The following ZFPM1 variants were observed in gnomAD, a reference collection of about 807,000 sequenced individuals.
The protein encoded by ZFPM1 is zinc finger protein, FOG family member 1, also known as zinc finger protein ZFPM1.
Under a neutral mutation model 46.3 loss-of-function variants are expected in ZFPM1, and 28 were observed. The ratio of observed to expected loss-of-function variants is 0.60; its 90% CI spans 0.45 to 0.83. The LOEUF (loss-of-function observed/expected upper bound fraction) is 0.83. ZFPM1 is among the 40% of genes least tolerant of loss of function. The pLI, the probability that ZFPM1 is intolerant of heterozygous loss-of-function variation, is 0.00. For missense variants in ZFPM1, 1,878 were observed against 1,432.4 expected (o/e 1.31, Z -5.02); for synonymous variants, 957 against 675.9 (o/e 1.42, Z -6.45).
At chr16:88,505,620 T>C (rs1363207916) in intron 3 of ZFPM1, among the ~76,000 whole-genome samples, 1 of 152,140 alleles carries the variant, frequency 6.6e-6, no homozygotes, top group Non-Finnish European at 1.5e-5. Flanking sequence ...CCATGTGGGC[T>C]GGCCCTGAGG....
intron 3 of ZFPM1, among the ~76,000 whole-genome samples, chr16:88,505,123 G>A (rs990640244): frequency 3.3e-5 from 5 of 152,160 alleles, no homozygotes; most frequent in South Asian, 2.1e-4. Flanking sequence ...TGGGCGGGGC[G>A]AGGCTGGGGG....
chr16:88,494,180 G>A lies in ZFPM1; in HGVS notation c.268+5027G>A, dbSNP rs1909793139. 1.3e-5 allele frequency among the ~76,000 whole-genome samples: 2 copies of A among 152,170 alleles called. 1 individual carries two copies. Among genetic ancestry groups the A allele is most frequent in the Non-Finnish European group, 2.9e-5 (2 of 68,020 alleles). ...GCGGCCTGGGTTATCTCGGATTGGG[G>A]GGTGCGGGCAGGTTCTACGGGGAGA... On this transcript the variant is annotated intron_variant, in intron 3 of 9. Transcript: ENST00000319555.
rs767256393 is a variant in ZFPM1, at chr16:88,534,865, C to G, written c.2907C>G (p.Pro969=). ...TPSKGTPAPL[P]NGNHRYCRLC... ...GCAAGGGCACGCCGGCGCCGCTGCC[C>G]AACGGCAACCACCGGTACTGCCGTC... Residue 969 remains proline (P), a synonymous_variant, in exon 10 of 10, where the codon CCC becomes CCG. Coordinates refer to ENST00000319555, the MANE Select transcript of ZFPM1 (RefSeq NM_153813.3). The G allele has an allele frequency of 3.2e-6, 5 of 1,567,526 alleles. No homozygotes were observed. The highest frequency in any genetic ancestry group is 3.4e-6 in the Non-Finnish European group (4 of 1,162,926).
rs1254940521 is a variant in ZFPM1 at position 88,520,697 on chromosome 16, GTGGA to G, written c.403-6113_403-6110del. Among the ~76,000 whole-genome samples, 3 of 125,742 alleles carry G rather than the reference GTGGA, an allele frequency of 2.4e-5. 1 individual carries two copies. The highest frequency in any genetic ancestry group is 7.8e-5 in the Admixed American group (1 of 12,746). The allele number at this position is 125,742 out of a possible 152,430, so 82.5% of individuals were successfully genotyped here. ...GATGGGTGGATGGATGGATTATTAG[GTGGA>G]TGGGTGGGTGGATGGAGGGATGGGT... On this transcript the variant is annotated intron_variant, in intron 4 of 9. Coordinates refer to ENST00000319555, the MANE Select transcript of ZFPM1 (RefSeq NM_153813.3).
chr16:88,527,976 A>T, intron 5 of ZFPM1, 56 bp from the exon 6 acceptor site: 1 of 1,464,740 alleles, frequency 6.8e-7, no homozygotes, highest in Non-Finnish European at 9.2e-7. Flanking sequence ...CTTGTTTAAG[A>T]CGGGACAGGG....
intron 3 of ZFPM1, among the ~76,000 whole-genome samples, chr16:88,510,159 C>T (rs899648325): frequency 2.0e-5 from 3 of 152,184 alleles, no homozygotes; most frequent in African/African-American, 7.2e-5. Flanking sequence ...TGCTGGCACC[C>T]CCTTCTCCAT....
intron 3 of ZFPM1, 34 bp downstream of exon 3, chr16:88,489,187 C>T: frequency 6.4e-7 from 1 of 1,559,972 alleles, no homozygotes; most frequent in South Asian, 1.2e-5. Context: ...AGCAGCATCG[C>T]CTCCCGGGCA....
chr16:88,502,244 A>ATATC (rs1204732996), intron 3 of ZFPM1, among the ~76,000 whole-genome samples: 1 of 152,058 alleles, frequency 6.6e-6, no homozygotes, highest in Non-Finnish European at 1.5e-5. Context: ...AGGGCTGGTC[A>ATATC]TATCCTGCCC....
intron 7 of ZFPM1, among the ~76,000 whole-genome samples, 167 bp downstream of exon 7, chr16:88,532,402 G>A (rs1053586592): frequency 7.2e-5 from 11 of 152,208 alleles, no homozygotes; most frequent in African/African-American, 2.4e-4. Flanking sequence ...CAGGCAGGCC[G>A]GACTGTGGGC....
chr16:88,508,871 A>G (rs1432173010), intron 3 of ZFPM1, among the ~76,000 whole-genome samples: 1 of 152,080 alleles, frequency 6.6e-6, no homozygotes, highest in Non-Finnish European at 1.5e-5. Flanking sequence ...CCCCTGTTAA[A>G]TGGGCTCCAG....
chr16:88,526,735 A>T, intron 4 of ZFPM1, 79 bp from the exon 5 acceptor site: 1 of 1,458,660 alleles, frequency 6.9e-7, no homozygotes, highest in South Asian at 1.3e-5. Flanking sequence ...CGTGTCACAG[A>T]TGCCCCACAT....
chr16:88,502,065 CATTTATTTATTT>C lies in ZFPM1; in HGVS notation c.269-12287_269-12276del, dbSNP rs763371544. Among the ~76,000 whole-genome samples, 57 of 72,938 alleles carry C rather than the reference CATTTATTTATTT, an allele frequency of 7.8e-4. 1 individual carries two copies. Among genetic ancestry groups the C allele is most frequent in the African/African-American group, 1.9e-3 (37 of 19,662 alleles). The allele number at this position is 72,938 out of a possible 152,430, so 47.9% of individuals were successfully genotyped here. On this transcript the variant is annotated intron_variant, in intron 3 of 9. Transcript: ENST00000319555. ...CGACGCGGCTCCACCCGCCCCCCCC[CATTTATTTATTT>C]ATTTATTTATTTATTTATTTATTTA...
At chr16:88,484,627 G>A (rs1909117806) in intron 1 of ZFPM1, among the ~76,000 whole-genome samples, 1 of 152,234 alleles carries the variant, frequency 6.6e-6, no homozygotes, top group Non-Finnish European at 1.5e-5. Context: ...AGAAGGCTGG[G>A]CGGGTCAGGC....
intron 4 of ZFPM1, among the ~76,000 whole-genome samples, chr16:88,524,836 A>G (rs1912188065): frequency 6.6e-6 from 1 of 152,126 alleles, no homozygotes; most frequent in Non-Finnish European, 1.5e-5. Flanking sequence ...ATGTGGGGAG[A>G]GGGCAGAGCC....
At chr16:88,461,865 A>G (rs1011876685) in intron 1 of ZFPM1, among the ~76,000 whole-genome samples, 4 of 152,100 alleles carry the variant, frequency 2.6e-5, no homozygotes, top group African/African-American at 9.7e-5. Flanking sequence ...AACCCATTTT[A>G]CAGGAGAGAA....
At chr16:88,500,811 G>C (rs1269872251) in intron 3 of ZFPM1, among the ~76,000 whole-genome samples, 1 of 152,236 alleles carries the variant, frequency 6.6e-6, no homozygotes, top group Non-Finnish European at 1.5e-5. Context: ...CTCTTTCCCA[G>C]CAAGTCTGCG....
Position 88,528,026 on chromosome 16 carries a change from C to G in ZFPM1, c.506-6C>G. On this transcript the variant is annotated splice_polypyrimidine_tract_variant and splice_region_variant and intron_variant, in intron 5 of 9. Transcript: ENST00000319555. ...GTCCTAGGTTTGGACACCTGTCTCC[C>G]TCCAGATGACGCACTCTGGTGCAGG... is the stretch of plus-strand genomic sequence containing the variant. The G allele has an allele frequency of 2.6e-6, 4 of 1,535,594 alleles. No homozygotes were observed. The highest frequency in any genetic ancestry group is 3.5e-6 in the Non-Finnish European group (4 of 1,136,212).
chr16:88,532,977 CT>C, intron 9 of ZFPM1, 42 bp downstream of exon 9: 1 of 1,609,836 alleles, frequency 6.2e-7, no homozygotes. Context: ...CTTAGGCCCC[CT>C]GAGCAGTGGG....
chr16:88,461,214 C>T (rs987363986), intron 1 of ZFPM1, among the ~76,000 whole-genome samples: 707 of 46,508 alleles, frequency 0.015, 35 homozygotes, highest in Non-Finnish European at 0.023. Context: ...GACCCAGGGG[C>T]GGGAGGCCTG....
Sources: allele counts gnomAD v4.1 joint callset (sites outside exome capture counted in the v4.1 genomes callset), GRCh38; gene constraint gnomAD v4.1.1; transcripts MANE v1.5; gene names NCBI Gene and HGNC (gene_info 2026-07-23, HGNC 2026-07-21).